Variants in GADL1 observed in about 807,000 individuals in gnomAD.
GADL1 encodes the protein acidic amino acid decarboxylase GADL1.
A neutral mutation model predicts 69.5 loss-of-function variants in GADL1; 71 were observed. The ratio of observed to expected loss-of-function variants is 1.02; its 90% confidence interval spans 0.84 to 1.25. The LOEUF is 1.25. Among genes scored for constraint, GADL1 ranks in the 50% most tolerant of loss-of-function variants. The pLI is 0.00. For synonymous variants in GADL1, 254 were observed against 214.4 expected (o/e 1.18, Z -1.62); for missense variants, 737 against 631.8 (o/e 1.17, Z -1.79).
intron 14 of GADL1, among the ~76,000 whole-genome samples, chr3:30,777,029 C>G (rs1206078489): frequency 6.6e-6 from 1 of 152,202 alleles, no homozygotes; most frequent in Admixed American, 6.5e-5. Flanking sequence ...AACAGTTAAT[C>G]TCCATTCAGG....
At chr3:30,848,482 G>T (rs1480621525) in intron 6 of GADL1, among the ~76,000 whole-genome samples, 6 of 152,188 alleles carry the variant, frequency 3.9e-5, no homozygotes, top group Non-Finnish European at 8.8e-5. Context: ...ATACAGGAAA[G>T]CCTAGCTGGA....
chr3:30,859,743 A>G (rs1698290342), intron 2 of GADL1, among the ~76,000 whole-genome samples: 1 of 151,916 alleles, frequency 6.6e-6, no homozygotes, highest in South Asian at 2.1e-4. Flanking sequence ...GCTTGGGTAT[A>G]TATCTGCAGG....
At chr3:30,777,836 AC>A (rs1696571279) in intron 14 of GADL1, among the ~76,000 whole-genome samples, 1 of 152,176 alleles carries the variant, frequency 6.6e-6, no homozygotes, top group African/African-American at 2.4e-5. Context: ...GTAAGGTGGT[AC>A]AACAGTCAGA....
chr3:30,744,040 A>T (rs72852552), intron 14 of GADL1, among the ~76,000 whole-genome samples: 1 of 152,172 alleles, frequency 6.6e-6, no homozygotes, highest in Non-Finnish European at 1.5e-5. Context: ...ACACCTTTGT[A>T]TTATAAACCA....
At chr3:30,893,565 A>G (rs1484310636) in intron 1 of GADL1, among the ~76,000 whole-genome samples, 1 of 152,010 alleles carries the variant, frequency 6.6e-6, no homozygotes, top group Non-Finnish European at 1.5e-5. Context: ...CACTATTCTA[A>G]CTTTCTACTT....
chr3:30,794,820 T>C (rs1195556364), intron 12 of GADL1, among the ~76,000 whole-genome samples: 1 of 152,196 alleles, frequency 6.6e-6, no homozygotes, highest in Non-Finnish European at 1.5e-5. Flanking sequence ...GCAGTGATCA[T>C]TGGTCTATCA....
intron 11 of GADL1, among the ~76,000 whole-genome samples, chr3:30,807,457 G>A (rs1022153040): frequency 1.8e-4 from 27 of 152,170 alleles, no homozygotes; most frequent in Admixed American, 9.8e-4. Context: ...CCTTCAAATG[G>A]AATGGATCCT....
intron 11 of GADL1, among the ~76,000 whole-genome samples, chr3:30,832,773 C>T (rs915187648): frequency 6.6e-6 from 1 of 152,022 alleles, no homozygotes; most frequent in Non-Finnish European, 1.5e-5. Context: ...AGTCATACCA[C>T]AATTTTGAAA....
chr3:30,850,070 A>G lies in GADL1; in HGVS notation c.577T>C (p.Tyr193His), dbSNP rs201894799. Residue 193 changes from tyrosine to histidine, a missense_variant, in exon 6 of 15, where the codon TAC becomes CAC. Tyr to His is a moderately conservative substitution (Grantham distance 83). Transcript: ENST00000282538. ...SNMYAMNLAR[Y>H]KYCPDIKEKG... The stretch of plus-strand genomic sequence containing the variant: ...TCCTTAATATCAGGACAATATTTGT[A>G]TCTAGCTAAATTCATTGCATACATA... The G allele has an allele frequency of 1.5e-5, 24 of 1,611,388 alleles. No individual in the cohort carries two copies. The East Asian group carries it at 4.7e-4, about 31-fold the overall frequency.
intron 1 of GADL1, among the ~76,000 whole-genome samples, chr3:30,869,392 GA>G (rs1698448817): frequency 6.6e-6 from 1 of 151,726 alleles, no homozygotes; most frequent in Non-Finnish European, 1.5e-5. Flanking sequence ...ATGACTATGG[GA>G]AATATTAAGA....
intron 1 of GADL1, among the ~76,000 whole-genome samples, chr3:30,864,595 C>T (rs1437954066): frequency 6.6e-6 from 1 of 151,802 alleles, no homozygotes; most frequent in African/African-American, 2.4e-5. Context: ...TTTTTATAGC[C>T]AGATGTGATA....
chr3:30,797,224 G>A (rs998179733), intron 12 of GADL1, among the ~76,000 whole-genome samples: 6 of 152,082 alleles, frequency 3.9e-5, no homozygotes, highest in Non-Finnish European at 7.4e-5. Context: ...CACCCCAGCT[G>A]CTGTGATATG....
chr3:30,853,623 C>G (rs1452280136), intron 4 of GADL1, among the ~76,000 whole-genome samples: 2 of 152,134 alleles, frequency 1.3e-5, no homozygotes, highest in African/African-American at 4.8e-5. Flanking sequence ...CCAGTTCCCT[C>G]TCCCAGTGCT....
Position 30,800,836 on chromosome 3 carries a change from CACACACACACACACAGAAAGAG to C in GADL1, c.1250+31_1250+52del, listed in dbSNP as rs746368184. On this transcript the variant is annotated intron_variant, in intron 12 of 14. Coordinates refer to ENST00000282538, the MANE Select transcript of GADL1 (RefSeq NM_207359.3). ...ACACACACACACACACACACACACACACACACACACACACAGAAAGAGAGAGAGAGAGAGAGAGAGAGAGGCT... is the reference window on the plus strand; with the variant it reads ...ACACACACACACACACACACACACACAGAGAGAGAGAGAGAGAGAGAGGCT... 36 of 1,225,172 alleles carry C rather than the reference CACACACACACACACAGAAAGAG, an allele frequency of 2.9e-5. No homozygotes were observed. The African/African-American group carries it at 4.4e-4, about 15-fold the overall frequency. 75.9% of individuals were successfully genotyped at this position (1,225,172 alleles called of 1,614,324 possible).
intron 14 of GADL1, among the ~76,000 whole-genome samples, chr3:30,736,061 C>T (rs1008276600): frequency 2.0e-5 from 3 of 151,882 alleles, no homozygotes; most frequent in Non-Finnish European, 4.4e-5. Flanking sequence ...TTTAATGTGG[C>T]CCTATTGAAT....
chr3:30,786,440 TGC>T, intron 12 of GADL1, 34 bp from the exon 13 acceptor site: 1 of 1,103,734 alleles, frequency 9.1e-7, no homozygotes, highest in Non-Finnish European at 1.4e-6. Flanking sequence ...ATTTATAATC[TGC>T]AATGTAAAAG....
At chr3:30,889,188 A>T (rs2125547802) in intron 1 of GADL1, among the ~76,000 whole-genome samples, 1 of 151,684 alleles carries the variant, frequency 6.6e-6, no homozygotes, top group Non-Finnish European at 1.5e-5. Context: ...AAGGAAGACC[A>T]AAGGCATGTT....
chr3:30,753,148 C>CT (rs1695873200), intron 14 of GADL1, among the ~76,000 whole-genome samples: 1 of 151,952 alleles, frequency 6.6e-6, no homozygotes, highest in South Asian at 2.1e-4. Context: ...TTTCAATCTT[C>CT]TAAGTAACCT....
intron 13 of GADL1, 89 bp from the exon 14 acceptor site, chr3:30,778,357 C>A: frequency 1.2e-6 from 1 of 802,704 alleles, no homozygotes; most frequent in Non-Finnish European, 2.1e-6. Flanking sequence ...CTAGTTTCTT[C>A]AAGAGTTATC....
Sources: gnomAD v4.1 joint callset for allele counts (sites outside exome capture counted in the v4.1 genomes callset) on GRCh38, gnomAD v4.1.1 for gene constraint, MANE v1.5 for transcripts, NCBI Gene and HGNC (gene_info 2026-07-23, HGNC 2026-07-21) for gene names.